Variants in PTPRD observed in about 807,000 individuals in gnomAD.
The protein encoded by PTPRD is receptor-type tyrosine-protein phosphatase delta.
PTPRD carries 34 observed loss-of-function variants against 214.5 expected under a neutral mutation model. That is an observed-to-expected ratio of 0.16 (90% CI 0.12 to 0.21). PTPRD has a LOEUF of 0.21. Among genes scored for constraint, PTPRD ranks in the 10% least tolerant of loss-of-function variants. The pLI is 1.00. For missense variants in PTPRD, 2,545 were observed against 2,398.7 expected (o/e 1.06, Z -1.27); for synonymous variants, 1,128 against 845.7 (o/e 1.33, Z -5.79).
intron 12 of PTPRD, among the ~76,000 whole-genome samples, chr9:8,683,380 T>C (rs1207894319): frequency 6.8e-6 from 1 of 146,644 alleles, no homozygotes; most frequent in Non-Finnish European, 1.5e-5. Context: ...GAGACACTCC[T>C]TTCTCAAAAA....
intron 12 of PTPRD, among the ~76,000 whole-genome samples, chr9:8,651,616 A>G (rs2096811223): frequency 6.6e-6 from 1 of 152,184 alleles, no homozygotes; most frequent in Non-Finnish European, 1.5e-5. Context: ...CATTTCCATG[A>G]CAGCATTTTA....
At chr9:9,350,968 C>T (rs1300856327) in intron 9 of PTPRD, among the ~76,000 whole-genome samples, 1 of 151,956 alleles carries the variant, frequency 6.6e-6, no homozygotes, top group African/African-American at 2.4e-5. Flanking sequence ...AGTTTTTGTT[C>T]GTTTGTCTGT....
At chr9:9,255,275 T>A (rs879580782) in intron 9 of PTPRD, among the ~76,000 whole-genome samples, 3 of 152,078 alleles carry the variant, frequency 2.0e-5, no homozygotes, top group Non-Finnish European at 4.4e-5. Context: ...TATCATTGAT[T>A]TATTTTGACC....
intron 2 of PTPRD, among the ~76,000 whole-genome samples, chr9:10,536,756 C>T (rs928651397): frequency 6.6e-6 from 1 of 152,136 alleles, no homozygotes; most frequent in African/African-American, 2.4e-5. Flanking sequence ...AGTGAAAAGT[C>T]AGCTGTCTCA....
chr9:8,316,521 C>T lies in PTPRD; in HGVS notation c.*1353G>A, dbSNP rs958493272. The T allele has an allele frequency of 5.6e-5, 13 of 230,392 alleles. No homozygotes were observed. The highest frequency in any genetic ancestry group is 1.0e-4 in the Non-Finnish European group (12 of 116,060). The allele number at this position is 230,392 out of a possible 1,614,324, so 14.3% of individuals were successfully genotyped here. ...TATAGACAATATACGATTGAATACA[C>T]TTTTTTTAAACAACTCGATAGCTGA... On this transcript the variant is annotated 3_prime_UTR_variant, in exon 46 of 46. Coordinates refer to ENST00000381196, the MANE Select transcript of PTPRD (RefSeq NM_002839.4).
rs564278081 is a variant in PTPRD, at chr9:8,948,218, C to G, written c.-104+70479G>C. Among the ~76,000 whole-genome samples, 208 of 148,946 alleles carry G rather than the reference C, an allele frequency of 1.4e-3. 2 individuals are homozygous for G. Among genetic ancestry groups the G allele is most frequent in the African/African-American group, 4.9e-3 (200 of 40,464 alleles). Reference sequence around the variant, plus strand: ...TATTTTTAGTAAGGATGGGGTTTCACCATGTTGGCCAGGATAGTCTCCATC... The same window carrying G: ...TATTTTTAGTAAGGATGGGGTTTCAGCATGTTGGCCAGGATAGTCTCCATC... On this transcript the variant is annotated intron_variant, in intron 11 of 45. Coordinates refer to ENST00000381196, the MANE Select transcript of PTPRD (RefSeq NM_002839.4).
chr9:10,200,399 A>T (rs1017997135), intron 3 of PTPRD, among the ~76,000 whole-genome samples: 21 of 152,132 alleles, frequency 1.4e-4, no homozygotes. Flanking sequence ...GGAAGATGCT[A>T]TTGACAGTTA....
chr9:9,588,735 A>G (rs993705520), intron 7 of PTPRD, among the ~76,000 whole-genome samples: 2 of 151,976 alleles, frequency 1.3e-5, no homozygotes, highest in Non-Finnish European at 2.9e-5. Flanking sequence ...GAAAAGACAA[A>G]TGAAATGTTA....
chr9:8,782,804 C>T (rs965864815), intron 11 of PTPRD, among the ~76,000 whole-genome samples: 1 of 152,048 alleles, frequency 6.6e-6, no homozygotes, highest in African/African-American at 2.4e-5. Context: ...CCATGTTGGT[C>T]AGGCTGGTCT....
At chr9:9,484,008 T>C (rs2095524901) in intron 8 of PTPRD, among the ~76,000 whole-genome samples, 1 of 151,952 alleles carries the variant, frequency 6.6e-6, no homozygotes, top group Admixed American at 6.6e-5. Context: ...TATTTTACTA[T>C]CTTCTATAGG....
At chr9:8,796,258 T>A (rs949403312) in intron 11 of PTPRD, among the ~76,000 whole-genome samples, 3 of 152,224 alleles carry the variant, frequency 2.0e-5, no homozygotes, top group South Asian at 2.1e-4. Flanking sequence ...ATTTTAATTA[T>A]ACTGGAATCT....
chr9:10,282,101 C>T (rs529715252), intron 3 of PTPRD, among the ~76,000 whole-genome samples: 3 of 152,014 alleles, frequency 2.0e-5, no homozygotes, highest in Non-Finnish European at 4.4e-5. Flanking sequence ...ACAATGAAAG[C>T]AGTCATGGAA....
intron 35 of PTPRD, among the ~76,000 whole-genome samples, chr9:8,425,475 T>C (rs527297565): frequency 2.0e-5 from 3 of 152,234 alleles, no homozygotes; most frequent in Non-Finnish European, 2.9e-5. Flanking sequence ...TCACAGAATA[T>C]GTTGGGAACC....
chr9:8,935,570 C>T (rs569549917), intron 11 of PTPRD, among the ~76,000 whole-genome samples: 10 of 152,148 alleles, frequency 6.6e-5, no homozygotes, highest in South Asian at 2.1e-4. Context: ...AAATAGATCC[C>T]GAGGAAGCCT....
chr9:10,126,879 T>G (rs2098823882), intron 3 of PTPRD, among the ~76,000 whole-genome samples: 1 of 151,280 alleles, frequency 6.6e-6, no homozygotes, highest in Non-Finnish European at 1.5e-5. Flanking sequence ...TAGAATTTGG[T>G]AGTAGTAGAT....
intron 21 of PTPRD, among the ~76,000 whole-genome samples, chr9:8,514,507 T>A (rs1238338706): frequency 6.6e-6 from 1 of 151,590 alleles, no homozygotes. Context: ...TTCCTTCCAC[T>A]TCTTTTAGAT....
At chr9:9,986,647 T>A (rs1441158174) in intron 4 of PTPRD, among the ~76,000 whole-genome samples, 1 of 152,156 alleles carries the variant, frequency 6.6e-6, no homozygotes, top group African/African-American at 2.4e-5. Flanking sequence ...GTTACTTTTA[T>A]AATAAACAAA....
chr9:8,872,082 G>A (rs1244190502), intron 11 of PTPRD, among the ~76,000 whole-genome samples: 1 of 152,146 alleles, frequency 6.6e-6, no homozygotes, highest in Non-Finnish European at 1.5e-5. Context: ...TATAAAGTAG[G>A]CTTATAGCTC....
chr9:8,398,355 G>C (rs180786940), intron 36 of PTPRD, among the ~76,000 whole-genome samples: 3 of 152,104 alleles, frequency 2.0e-5, no homozygotes, highest in African/African-American at 7.2e-5. Context: ...AGCAAGCAGA[G>C]CTTCGGATGC....
Sources: allele counts gnomAD v4.1 joint callset (sites outside exome capture counted in the v4.1 genomes callset), GRCh38; gene constraint gnomAD v4.1.1; transcripts MANE v1.5; gene names NCBI Gene and HGNC (gene_info 2026-07-23, HGNC 2026-07-21).